Variants in OR4K1 observed in about 807,000 individuals in gnomAD.
OR4K1 encodes the protein olfactory receptor family 4 subfamily K member 1.
Under a neutral mutation model 14.4 loss-of-function variants are expected in OR4K1, and 16 were observed. That is an observed-to-expected ratio of 1.11 (90% CI 0.75 to 1.68). OR4K1 has a LOEUF of 1.68. Ranked by LOEUF, OR4K1 falls within the 40% of genes most tolerant of loss-of-function variation. OR4K1 has a pLI of 0.00. For synonymous variants in OR4K1, 181 were observed against 133.1 expected (o/e 1.36, Z -2.48); for missense variants, 548 against 376.9 (o/e 1.45, Z -3.76).
chr14:19,935,887 C>G lies in OR4K1; in HGVS notation c.221C>G (p.Ser74Cys), dbSNP rs147067678. The part of the protein sequence containing the change: ...SNLSFIDICQ[S>C]NFATPKMLVD... ...CTTTCTTTCATTGATATCTGTCAGT[C>G]TAACTTTGCCACCCCCAAGATGCTT... The change falls in exon 2 of 2, where the codon TCT (serine) becomes TGT (cysteine). Residue 74 changes from serine to cysteine, a missense_variant. By Grantham distance (112) the Ser-to-Cys change is moderately radical (BLOSUM62 -1). Transcript: ENST00000641172. 1,270 of 1,613,940 alleles carry G rather than the reference C, an allele frequency of 7.9e-4. No homozygotes were observed. The highest frequency in any genetic ancestry group is 4.5e-3 in the Middle Eastern group (27 of 6,052).
chr14:19,920,716 T>A, the OR4K1 span: 1 of 1,614,126 alleles, frequency 6.2e-7, no homozygotes, highest in Admixed American at 1.7e-5. Flanking sequence ...TTGTATACAG[T>A]CATTGTGCTG....
At chr14:19,930,733 A>C (rs1186601444), upstream of OR4K1, among the ~76,000 whole-genome samples, 2 of 152,240 alleles carry the variant, frequency 1.3e-5, no homozygotes, top group African/African-American at 2.4e-5. Context: ...AAACAAACAA[A>C]CCTTTTTTTC....
At chr14:19,923,671 T>C in the OR4K1 span, among the ~76,000 whole-genome samples, 1 of 152,212 alleles carries the variant, frequency 6.6e-6, no homozygotes, top group African/African-American at 2.4e-5. Flanking sequence ...AATTTAAAGA[T>C]GTGCATTTAG....
At chr14:19,922,427 C>A in the OR4K1 span, among the ~76,000 whole-genome samples, 9 of 152,236 alleles carry the variant, frequency 5.9e-5, no homozygotes, top group African/African-American at 2.2e-4. Flanking sequence ...TTCACTTCAC[C>A]TTCTGTGGAC....
rs774074267 is a variant in OR4K1, at chr14:19,935,713, G to T, written c.47G>T (p.Gly16Val). ...ATGGTGTCTGAGTTTGTACTTTTGG[G>T]ACTCTCTAATTCCTGGGGACTTCAA... is the stretch of plus-strand genomic sequence containing the variant. ...ESMVSEFVLL[G>V]LSNSWGLQLF... The change falls in exon 2 of 2, where the codon GGA becomes GTA. Residue 16 changes from glycine (G) to valine (V), a missense_variant. Gly to Val is a moderately radical substitution (Grantham distance 109). Transcript: ENST00000641172. 2 of 1,612,374 alleles carry T rather than the reference G, an allele frequency of 1.2e-6. No homozygotes were observed. The highest frequency in any genetic ancestry group is 2.2e-5 in the East Asian group (1 of 44,884).
At chr14:19,933,641 G>GGAGT (rs1882236619) in intron 1 of OR4K1, among the ~76,000 whole-genome samples, 1 of 152,028 alleles carries the variant, frequency 6.6e-6, no homozygotes, top group Non-Finnish European at 1.5e-5. Flanking sequence ...CACCCAGGCT[G>GGAGT]GAGTGCAGTG....
intron 1 of OR4K1, among the ~76,000 whole-genome samples, chr14:19,933,920 C>G (rs1312409102): frequency 1.3e-5 from 2 of 152,196 alleles, no homozygotes; most frequent in South Asian, 4.1e-4. Context: ...TTCTTCATAA[C>G]CAATGCAAAC....
At chr14:19,922,064 G>C in the OR4K1 span, among the ~76,000 whole-genome samples, 1 of 131,584 alleles carries the variant, frequency 7.6e-6, no homozygotes, top group Non-Finnish European at 1.7e-5. Context: ...ATTAGGTTAT[G>C]AGACTCCCCC....
Position 19,936,305 on chromosome 14 carries a change from T to C in OR4K1, c.639T>C (p.Ala213=), listed in dbSNP as rs748770450. The change falls in exon 2 of 2, where the codon GCT becomes GCC. Residue 213 remains alanine (A), a synonymous_variant. Transcript: ENST00000641172. ...TGATATCATTGAGCTGTTTCCTGGC[T>C]TTAATTATTTCCTACACCATCATTT... ...SGLISLSCFL[A]LIISYTIILI... 1.2e-6 allele frequency: 2 copies of C among 1,614,270 alleles called. No individual in the cohort carries two copies. Among genetic ancestry groups the C allele is most frequent in the South Asian group, 1.1e-5 (1 of 91,090 alleles).
the OR4K1 span, chr14:19,920,720 T>C: frequency 6.2e-7 from 1 of 1,614,160 alleles, no homozygotes; most frequent in East Asian, 2.2e-5. Context: ...ATACAGTCAT[T>C]GTGCTGGGAA....
chr14:19,927,504 G>C (rs185125382), upstream of OR4K1, among the ~76,000 whole-genome samples: 2 of 152,240 alleles, frequency 1.3e-5, no homozygotes, highest in Non-Finnish European at 2.9e-5. Flanking sequence ...GAGGATGAAC[G>C]TATGTGAGTG....
At chr14:19,921,235 C>A in the OR4K1 span, 57 of 1,614,056 alleles carry the variant, frequency 3.5e-5, no homozygotes, top group Non-Finnish European at 4.8e-5. Context: ...TCCCTAAGCA[C>A]TTTCTCTCTC....
At chr14:19,933,141 G>T (rs1882223653) in intron 1 of OR4K1, among the ~76,000 whole-genome samples, 1 of 151,494 alleles carries the variant, frequency 6.6e-6, no homozygotes, top group African/African-American at 2.4e-5. Context: ...TAATTATAAT[G>T]GTTCATTATT....
rs745771054 is a variant in OR4K1 at position 19,935,715 on chromosome 14, C to T, written c.49C>T (p.Leu17Phe). The T allele has an allele frequency of 6.2e-6, 10 of 1,612,584 alleles. No individual in the cohort carries two copies. Among genetic ancestry groups the T allele is most frequent in the Non-Finnish European group, 6.8e-6 (8 of 1,179,682 alleles). The change falls in exon 2 of 2, where the codon CTC (leucine) becomes TTC (phenylalanine). Residue 17 changes from leucine to phenylalanine, a missense_variant. Leu to Phe is a conservative substitution (Grantham distance 22). Transcript: ENST00000641172. Reference sequence around the variant, plus strand: ...GGTGTCTGAGTTTGTACTTTTGGGACTCTCTAATTCCTGGGGACTTCAACT... The same window carrying T: ...GGTGTCTGAGTTTGTACTTTTGGGATTCTCTAATTCCTGGGGACTTCAACT... ...SMVSEFVLLG[L>F]SNSWGLQLFF...
the OR4K1 span, chr14:19,921,609 T>TA: frequency 6.4e-7 from 1 of 1,569,908 alleles, no homozygotes; most frequent in Non-Finnish European, 8.6e-7. Flanking sequence ...CTCAGGTCAA[T>TA]ACACTGTTTA....
At chr14:19,928,470 A>C (rs1261592518), upstream of OR4K1, among the ~76,000 whole-genome samples, 1 of 152,148 alleles carries the variant, frequency 6.6e-6, no homozygotes, top group Non-Finnish European at 1.5e-5. Flanking sequence ...TCGCTAATTC[A>C]TGTCTTGTCT....
chr14:19,926,792 T>C (rs1882072185), upstream of OR4K1, among the ~76,000 whole-genome samples: 1 of 152,232 alleles, frequency 6.6e-6, no homozygotes, highest in South Asian at 2.1e-4. Context: ...AATGGAGATA[T>C]CCATGATAAA....
intron 1 of OR4K1, among the ~76,000 whole-genome samples, chr14:19,932,911 T>A (rs1185532812): frequency 1.3e-5 from 2 of 151,586 alleles, no homozygotes; most frequent in African/African-American, 4.8e-5. Context: ...TGCACATACA[T>A]CTATTATAGC....
intron 1 of OR4K1, among the ~76,000 whole-genome samples, chr14:19,933,787 A>G (rs1882240310): frequency 6.6e-6 from 1 of 152,182 alleles, no homozygotes; most frequent in South Asian, 2.1e-4. Flanking sequence ...GGGTTTCACC[A>G]TGATTGCCAG....
Sources: gnomAD v4.1 joint callset for allele counts (sites outside exome capture counted in the v4.1 genomes callset) on GRCh38, gnomAD v4.1.1 for gene constraint, MANE v1.5 for transcripts, NCBI Gene and HGNC (gene_info 2026-07-23, HGNC 2026-07-21) for gene names.